RIIAD1: variants seen among roughly 807,000 people sequenced by gnomAD.
RIIAD1 encodes RIIa domain-containing protein 1.
A neutral mutation model predicts 13.3 loss-of-function variants in RIIAD1; 15 were observed. The ratio of observed to expected loss-of-function variants is 1.13; its 90% CI spans 0.76 to 1.74. The LOEUF is 1.74. RIIAD1 is among the 40% of genes most tolerant of loss of function. The probability of loss-of-function intolerance (pLI) is 0.00; values close to 1 mark genes in which losing one functional copy is unlikely to be tolerated. For missense variants in RIIAD1, 121 were observed against 112.2 expected, an observed-to-expected ratio of 1.08 and a Z score of -0.35; for synonymous variants, 50 against 43.3, an observed-to-expected ratio of 1.16 and a Z score of -0.61.
intron 2 of RIIAD1, 63 bp from the exon 3 acceptor site, chr1:151,727,512 C>A: frequency 1.8e-6 from 2 of 1,110,062 alleles, no homozygotes; most frequent in Non-Finnish European, 2.7e-6. Flanking sequence ...GGACCTGAAA[C>A]AGTAGCCACA....
chr1:151,719,814 A>G (rs1673704133), upstream of RIIAD1: 1 of 586,398 alleles, frequency 1.7e-6, no homozygotes, highest in Non-Finnish European at 3.0e-6. Flanking sequence ...GGCTTGATTG[A>G]TTATCAAAGC....
chr1:151,721,494 GCCTCGCC>G, upstream of RIIAD1: 1 of 1,207,196 alleles, frequency 8.3e-7, no homozygotes, highest in Non-Finnish European at 1.1e-6. Flanking sequence ...CGGGGGCGGG[GCCTCGCC>G]GGCTCGCGGC....
At chr1:151,719,537 T>A (rs1673697087), upstream of RIIAD1, 1 of 665,974 alleles carries the variant, frequency 1.5e-6, no homozygotes, top group African/African-American at 1.8e-5. Context: ...AATGTGGTGG[T>A]ATGTGTGGGC....
upstream of RIIAD1, among the ~76,000 whole-genome samples, chr1:151,717,870 G>A (rs1391792311): frequency 6.6e-6 from 1 of 152,182 alleles, no homozygotes; most frequent in East Asian, 1.9e-4. Flanking sequence ...TCCACGATCT[G>A]GAGGGAGCGT....
chr1:151,719,770 G>T, upstream of RIIAD1: 1 of 641,516 alleles, frequency 1.6e-6, no homozygotes, highest in Non-Finnish European at 2.8e-6. Context: ...TCATACATGG[G>T]CATTTGGGTC....
At chr1:151,716,416 C>CT in intron 4 of RIIAD1, 1 of 282,782 alleles carries the variant, frequency 3.5e-6, no homozygotes, top group South Asian at 3.9e-5. Flanking sequence ...GGGAAAGGGC[C>CT]TGAGGAGGGT....
chr1:151,714,760 A>G (rs999158078), intron 4 of RIIAD1: 324 of 973,346 alleles, frequency 3.3e-4, no homozygotes, highest in Middle Eastern at 6.0e-4. Flanking sequence ...CCAAAGACTG[A>G]CGACTGGGAA....
In RIIAD1 at chr1:151,723,897, G is replaced by A. The variant is rs75658527; in HGVS notation, c.161+1735G>A. 4.6e-3 allele frequency among the ~76,000 whole-genome samples: 704 copies of A among 152,286 alleles called. 4 individuals are homozygous for A. Among genetic ancestry groups the A allele is most frequent in the African/African-American group, 0.016 (667 of 41,550 alleles). ...CAATATCAGACCTGAGGATCAGGCC[G>A]TCACCTTTTGCAACTTTTCTTCTAA... On this transcript the variant is annotated intron_variant, in intron 2 of 4. Coordinates refer to ENST00000479191, the MANE Select transcript of RIIAD1 (RefSeq NM_001144956.3).
chr1:151,714,376 A>G (rs1673278514), intron 3 of RIIAD1: 1 of 625,590 alleles, frequency 1.6e-6, no homozygotes. Context: ...GCTCCTGGTA[A>G]AAGTCATGTT....
chr1:151,715,708 A>G (rs1422366002), intron 4 of RIIAD1: 3 of 1,553,552 alleles, frequency 1.9e-6, no homozygotes, highest in East Asian at 4.8e-5. Context: ...GGGTTTCCTG[A>G]TCACTCTAGC....
upstream of RIIAD1, chr1:151,719,703 C>T: frequency 1.4e-6 from 1 of 701,558 alleles, no homozygotes; most frequent in Non-Finnish European, 2.6e-6. Context: ...GACAGGCCAA[C>T]ACAATACATA....
At chr1:151,716,669 G>GCCTCCCCCCCCCCCCCC, upstream of RIIAD1, 1 of 116,324 alleles carries the variant, frequency 8.6e-6, no homozygotes, top group Non-Finnish European at 1.8e-5. Flanking sequence ...CCTCCCCTCA[G>GCCTCCCCCCCCCCCCCC]CCCCCCTCCC....
chr1:151,725,583 C>A (rs1308555143), intron 2 of RIIAD1, among the ~76,000 whole-genome samples: 2 of 152,160 alleles, frequency 1.3e-5, no homozygotes, highest in African/African-American at 4.8e-5. Context: ...TTACCAACAC[C>A]TCACATCCTT....
intron 4 of RIIAD1, chr1:151,714,704 C>A: frequency 1.3e-6 from 2 of 1,496,990 alleles, no homozygotes; most frequent in Non-Finnish European, 1.8e-6. Flanking sequence ...CAGAGAAACA[C>A]GGCGGGGGGT....
intron 2 of RIIAD1, among the ~76,000 whole-genome samples, chr1:151,713,182 A>G (rs1190470117): frequency 6.6e-6 from 1 of 152,208 alleles, no homozygotes; most frequent in Non-Finnish European, 1.5e-5. Context: ...AGCGTCACCT[A>G]GAAGCTCTGG....
At chr1:151,712,634 C>G (rs1673118516) in intron 2 of RIIAD1, among the ~76,000 whole-genome samples, 1 of 152,226 alleles carries the variant, frequency 6.6e-6, no homozygotes. Flanking sequence ...GTGGCAGAGC[C>G]ACTCCTGGGA....
chr1:151,718,903 G>A (rs1442956669), upstream of RIIAD1, among the ~76,000 whole-genome samples: 3 of 152,182 alleles, frequency 2.0e-5, no homozygotes, highest in Non-Finnish European at 4.4e-5. Context: ...CATGTCCTCT[G>A]AGGATGGAGA....
chr1:151,723,427 C>T (rs1673775470), intron 2 of RIIAD1, among the ~76,000 whole-genome samples: 3 of 145,084 alleles, frequency 2.1e-5, no homozygotes, highest in East Asian at 2.1e-4. Context: ...CAGGCAGATG[C>T]GTTGGCTCAC....
chr1:151,728,122 T>A (rs535405184), intron 3 of RIIAD1, among the ~76,000 whole-genome samples: 1 of 152,356 alleles, frequency 6.6e-6, no homozygotes, highest in Non-Finnish European at 1.5e-5. Context: ...ATTTCTTGGT[T>A]CCTGTTAGTC....
Sources: allele counts gnomAD v4.1 joint callset (sites outside exome capture counted in the v4.1 genomes callset), GRCh38; gene constraint gnomAD v4.1.1; transcripts MANE v1.5; gene names NCBI Gene and HGNC (gene_info 2026-07-23, HGNC 2026-07-21).